The following GRID1 variants were observed in gnomAD, a reference collection of about 807,000 sequenced individuals.
GRID1 encodes glutamate receptor ionotropic, delta-1.
GRID1 carries 28 observed loss-of-function variants against 98.0 expected under a neutral mutation model. The ratio of observed to expected loss-of-function variants is 0.29; its 90% CI spans 0.21 to 0.39. The LOEUF (loss-of-function observed/expected upper bound fraction) is 0.39, where lower values mean the gene tolerates loss of function less well. GRID1 is among the 10% of genes least tolerant of loss of function. GRID1 has a pLI of 1.00. For missense variants in GRID1, 1,111 were observed against 1,340.5 expected (o/e 0.83, Z 2.67); for synonymous variants, 553 against 538.5 (o/e 1.03, Z -0.37).
intron 8 of GRID1, among the ~76,000 whole-genome samples, chr10:85,734,333 G>T (rs527931686): frequency 6.6e-6 from 1 of 152,196 alleles, no homozygotes; most frequent in South Asian, 2.1e-4. Flanking sequence ...AGAAAGAGGA[G>T]CAGCTTCAAA....
chr10:86,324,242 G>A (rs954093812), intron 2 of GRID1, among the ~76,000 whole-genome samples: 7 of 152,160 alleles, frequency 4.6e-5, no homozygotes, highest in African/African-American at 1.7e-4. Flanking sequence ...CTGGCCTCAT[G>A]TTAGGTAGTG....
chr10:85,617,459 C>A (rs192447529), intron 14 of GRID1, among the ~76,000 whole-genome samples: 2 of 152,090 alleles, frequency 1.3e-5, no homozygotes, highest in African/African-American at 4.8e-5. Flanking sequence ...GTCTTGAACT[C>A]CTGGCCTCAC....
intron 4 of GRID1, among the ~76,000 whole-genome samples, chr10:85,999,027 A>G (rs1842773412): frequency 6.6e-6 from 1 of 152,210 alleles, no homozygotes. Flanking sequence ...AGTCTGGCCA[A>G]CATGGCGAAA....
intron 2 of GRID1, among the ~76,000 whole-genome samples, chr10:86,247,578 G>A (rs1047407932): frequency 2.0e-5 from 3 of 152,198 alleles, no homozygotes; most frequent in African/African-American, 7.2e-5. Context: ...AGTCTCCAAG[G>A]GCAGAAGGCT....
At chr10:85,740,642 T>A (rs572883820) in intron 8 of GRID1, among the ~76,000 whole-genome samples, 1 of 152,180 alleles carries the variant, frequency 6.6e-6, no homozygotes, top group Non-Finnish European at 1.5e-5. Flanking sequence ...TACAAGGTAG[T>A]TATAAGTAGC....
chr10:85,706,404 A>G (rs1841518803), intron 12 of GRID1, among the ~76,000 whole-genome samples: 1 of 152,216 alleles, frequency 6.6e-6, no homozygotes, highest in South Asian at 2.1e-4. Flanking sequence ...CCAACTTACA[A>G]GGGATGTGAA....
chr10:86,131,081 C>T (rs1281328549), intron 4 of GRID1, among the ~76,000 whole-genome samples: 1 of 152,188 alleles, frequency 6.6e-6, no homozygotes, highest in African/African-American at 2.4e-5. Flanking sequence ...GAGAATGGCA[C>T]CAGATGTGGA....
At chr10:85,990,366 T>C (rs1234852636) in intron 4 of GRID1, among the ~76,000 whole-genome samples, 10 of 152,166 alleles carry the variant, frequency 6.6e-5, no homozygotes, top group Admixed American at 6.5e-4. Flanking sequence ...GATGCAGAGC[T>C]TGTATGAGGC....
intron 4 of GRID1, among the ~76,000 whole-genome samples, chr10:85,950,420 C>T (rs1842105821): frequency 1.3e-5 from 2 of 152,214 alleles, no homozygotes; most frequent in African/African-American, 4.8e-5. Flanking sequence ...ATCCCAGACT[C>T]TAGCCAAAGA....
chr10:85,660,500 T>C (rs1840953185), intron 12 of GRID1, among the ~76,000 whole-genome samples: 1 of 152,136 alleles, frequency 6.6e-6, no homozygotes, highest in Non-Finnish European at 1.5e-5. Flanking sequence ...CATGGGATCC[T>C]TGTGACAGCC....
At chr10:86,165,116 G>T (rs1029748593) in intron 3 of GRID1, among the ~76,000 whole-genome samples, 1 of 152,102 alleles carries the variant, frequency 6.6e-6, no homozygotes, top group Non-Finnish European at 1.5e-5. Flanking sequence ...GCCACAGGGG[G>T]TTTCAATCAA....
intron 2 of GRID1, among the ~76,000 whole-genome samples, chr10:86,351,858 A>G (rs1250830600): frequency 1.3e-5 from 2 of 152,222 alleles, no homozygotes; most frequent in East Asian, 3.8e-4. Context: ...GGCACATGCT[A>G]AGTCCTCTGT....
intron 5 of GRID1, among the ~76,000 whole-genome samples, chr10:85,880,221 G>A (rs547806755): frequency 1.3e-5 from 2 of 152,282 alleles, no homozygotes; most frequent in South Asian, 4.2e-4. Context: ...CATTCCTTCT[G>A]AAACTATTCC....
chr10:85,952,391 G>T (rs989051964), intron 4 of GRID1, among the ~76,000 whole-genome samples: 2 of 152,164 alleles, frequency 1.3e-5, no homozygotes, highest in African/African-American at 2.4e-5. Context: ...AGCTAGACAT[G>T]AAAAAATTAG....
At chr10:85,667,571 G>C (rs929324167) in intron 12 of GRID1, among the ~76,000 whole-genome samples, 1 of 152,162 alleles carries the variant, frequency 6.6e-6, no homozygotes, top group Non-Finnish European at 1.5e-5. Flanking sequence ...AAAGTCACAT[G>C]TCCATTCAAT....
At chr10:85,906,801 A>C (rs1052330866) in intron 5 of GRID1, among the ~76,000 whole-genome samples, 1 of 152,158 alleles carries the variant, frequency 6.6e-6, no homozygotes, top group African/African-American at 2.4e-5. Flanking sequence ...ATCTCAGCTT[A>C]CTCCCTAGAA....
intron 12 of GRID1, among the ~76,000 whole-genome samples, chr10:85,686,365 T>C (rs1173581795): frequency 2.0e-5 from 3 of 152,212 alleles, no homozygotes; most frequent in South Asian, 4.1e-4. Context: ...AACACATCCA[T>C]GTGTTGTTCA....
At chr10:85,680,330 T>A (rs1841193995) in intron 12 of GRID1, among the ~76,000 whole-genome samples, 2 of 152,046 alleles carry the variant, frequency 1.3e-5, no homozygotes, top group African/African-American at 4.8e-5. Context: ...CCTCACTCCT[T>A]CCCTAGCCCA....
At chr10:85,977,283 G>C (rs111437157) in intron 4 of GRID1, among the ~76,000 whole-genome samples, 2 of 152,302 alleles carry the variant, frequency 1.3e-5, no homozygotes, top group South Asian at 2.1e-4. Context: ...TGGCCAAAGT[G>C]TAAATGCTGG....
Sources: allele counts gnomAD v4.1 joint callset (sites outside exome capture counted in the v4.1 genomes callset), GRCh38; gene constraint gnomAD v4.1.1; transcripts MANE v1.5; gene names NCBI Gene and HGNC (gene_info 2026-07-23, HGNC 2026-07-21).